Variants in MSL2 observed in about 807,000 individuals in gnomAD.
MSL2 encodes MSL complex subunit 2, also known as E3 ubiquitin-protein ligase MSL2.
MSL2 carries 2 observed loss-of-function variants against 35.8 expected under a neutral mutation model. The observed-to-expected ratio is 0.06, with a 90% CI of 0.02 to 0.18. MSL2 has a LOEUF of 0.18. Ranked by LOEUF, MSL2 falls within the 10% of genes least tolerant of loss-of-function variation. The pLI is 1.00. For synonymous variants in MSL2, 296 were observed against 255.7 expected (o/e 1.16, Z -1.50); for missense variants, 523 against 706.7 (o/e 0.74, Z 2.95).
At chr3:136,158,985 G>C (rs1235569323) in intron 1 of MSL2, among the ~76,000 whole-genome samples, 1 of 152,168 alleles carries the variant, frequency 6.6e-6, no homozygotes, top group East Asian at 1.9e-4. Context: ...TGGATTAGAA[G>C]ACTACCAATA....
chr3:136,174,013 C>A (rs1940100656), intron 1 of MSL2, among the ~76,000 whole-genome samples: 1 of 152,186 alleles, frequency 6.6e-6, no homozygotes, highest in African/African-American at 2.4e-5. Flanking sequence ...TCAAATATGA[C>A]CTCCAAGAGG....
intron 1 of MSL2, among the ~76,000 whole-genome samples, chr3:136,180,993 TAA>T (rs550242990): frequency 3.9e-5 from 5 of 126,958 alleles, no homozygotes; most frequent in African/African-American, 5.8e-5. Flanking sequence ...CTCTATTAAA[TAA>T]AAAAAAAAAA....
At chr3:136,179,548 T>G (rs1343025692) in intron 1 of MSL2, among the ~76,000 whole-genome samples, 2 of 152,206 alleles carry the variant, frequency 1.3e-5, no homozygotes, top group Non-Finnish European at 2.9e-5. Context: ...CTAAAAATAC[T>G]TTTAACTTTT....
At chr3:136,185,909 T>C (rs1379006377) in intron 1 of MSL2, among the ~76,000 whole-genome samples, 2 of 151,642 alleles carry the variant, frequency 1.3e-5, no homozygotes, top group African/African-American at 4.9e-5. Context: ...CTAAAATCAA[T>C]GGAGACAATT....
In MSL2 at chr3:136,190,430, C is replaced by T. The variant is rs550012986; in HGVS notation, c.142+4542G>A. 7.2e-5 allele frequency among the ~76,000 whole-genome samples: 11 copies of T among 152,042 alleles called. 1 individual carries two copies. The highest frequency in any genetic ancestry group is 6.6e-4 in the Admixed American group (10 of 15,262). ...AGCCAACCACGTGTGGTGGCGCACA[C>T]CTGTAGTGTTAGCTACTCTAGAGGC... On this transcript the variant is annotated intron_variant, in intron 1 of 1. Transcript: ENST00000309993.
intron 1 of MSL2, among the ~76,000 whole-genome samples, chr3:136,163,246 G>T (rs1263222694): frequency 6.6e-6 from 1 of 152,178 alleles, no homozygotes; most frequent in Admixed American, 6.6e-5. Flanking sequence ...GCAACAGAGC[G>T]AGACTCCGTC....
intron 1 of MSL2, among the ~76,000 whole-genome samples, chr3:136,182,475 A>T (rs1399488187): frequency 6.6e-6 from 1 of 152,238 alleles, no homozygotes; most frequent in East Asian, 1.9e-4. Flanking sequence ...TAAACCCTAC[A>T]ACCATCCTAG....
chr3:136,185,216 T>TC (rs1158256223), intron 1 of MSL2, among the ~76,000 whole-genome samples: 1 of 150,816 alleles, frequency 6.6e-6, no homozygotes, highest in East Asian at 2.0e-4. Context: ...CCTCAAAGGA[T>TC]CCGCCAGCCC....
At chr3:136,194,846 G>A (rs1044729228) in intron 1 of MSL2, 126 bp downstream of exon 1, 3 of 1,432,926 alleles carry the variant, frequency 2.1e-6, no homozygotes, top group South Asian at 2.5e-5. Flanking sequence ...ACTAATGACC[G>A]TACAGCGCTG....
At position 136,149,702 on chromosome 3, in the gene MSL2, C is replaced by T. The variant is rs1939291577; in HGVS notation, c.*1445G>A. ...ACAAAACAGAAGGAGGTGTCATCTGCTCTGTGTCCAAAGGTTTCTTCTCCA... is the reference window on the plus strand; with the variant it reads ...ACAAAACAGAAGGAGGTGTCATCTGTTCTGTGTCCAAAGGTTTCTTCTCCA... On this transcript the variant is annotated 3_prime_UTR_variant, in exon 2 of 2. Coordinates refer to ENST00000309993, the MANE Select transcript of MSL2 (RefSeq NM_018133.4). 6.6e-6 allele frequency: 1 copy of T among 152,100 alleles called. No homozygotes were observed. 9.4% of individuals were successfully genotyped at this position (152,100 alleles called of 1,614,324 possible).
intron 1 of MSL2, among the ~76,000 whole-genome samples, chr3:136,164,480 T>A (rs1939786118): frequency 6.6e-6 from 1 of 152,212 alleles, no homozygotes; most frequent in African/African-American, 2.4e-5. Flanking sequence ...TGCACTCAGA[T>A]AACCATCCTA....
At position 136,195,072 on chromosome 3, in the gene MSL2, G is replaced by A. The variant is rs1160162609; in HGVS notation, c.42C>T (p.Ser14=). The A allele has an allele frequency of 1.2e-6, 2 of 1,613,974 alleles. No individual in the cohort carries two copies. Among genetic ancestry groups the A allele is most frequent in the Non-Finnish European group, 1.7e-6 (2 of 1,179,972 alleles). The change falls in exon 1 of 2, where the codon AGC becomes AGT. Residue 14 remains serine, a synonymous_variant. Transcript: ENST00000309993. ...CGGGGTCGTAGTTGAGCACTAGGCG[G>A]CTCGCGGAAATGTAGAGAGCAGTAG... ...VNATALYISA[S]RLVLNYDPGD... is the part of the protein sequence containing the mutation.
chr3:136,187,906 G>A (rs961315942), intron 1 of MSL2, among the ~76,000 whole-genome samples: 1 of 151,928 alleles, frequency 6.6e-6, no homozygotes, highest in Non-Finnish European at 1.5e-5. Flanking sequence ...AAGCTTTTAG[G>A]TGATTTTGAT....
Position 136,151,783 on chromosome 3 carries a change from C to T in MSL2, c.1098G>A (p.Leu366=). Reference sequence around the variant, plus strand: ...TCACTGTCACAGGAGCAGATGCCCCCAGTGTTGGGCCTCGGATAATGGTAG... The same window carrying T: ...TCACTGTCACAGGAGCAGATGCCCCTAGTGTTGGGCCTCGGATAATGGTAG... The part of the protein sequence containing the change: ...PISTIIRGPT[L]GASAPVTVKR... Residue 366 remains leucine, a synonymous_variant, in exon 2 of 2, where the codon CTG becomes CTA. Transcript: ENST00000309993. The surrounding 1 kb of genome is among the most constrained non-coding windows in gnomAD (Gnocchi z 5.2). 2 of 1,614,180 alleles carry T rather than the reference C, an allele frequency of 1.2e-6. No homozygotes were observed. Among genetic ancestry groups the T allele is most frequent in the Non-Finnish European group, 1.7e-6 (2 of 1,180,036 alleles).
intron 1 of MSL2, among the ~76,000 whole-genome samples, chr3:136,170,116 C>T (rs997323085): frequency 9.4e-5 from 14 of 148,716 alleles, no homozygotes; most frequent in African/African-American, 3.5e-4. Context: ...CTGAGGCAGG[C>T]AGATCACCTG....
chr3:136,152,920 T>A, intron 1 of MSL2, 182 bp from the exon 2 acceptor site: 1 of 985,460 alleles, frequency 1.0e-6, no homozygotes, highest in Non-Finnish European at 1.2e-6. Flanking sequence ...CTTGATTTCA[T>A]GCCATATTCC....
At chr3:136,187,767 T>C (rs1167662416) in intron 1 of MSL2, among the ~76,000 whole-genome samples, 1 of 152,118 alleles carries the variant, frequency 6.6e-6, no homozygotes, top group African/African-American at 2.4e-5. Context: ...TTCAAATGCT[T>C]ATAACACTGA....
intron 1 of MSL2, among the ~76,000 whole-genome samples, chr3:136,159,009 G>A (rs1418763498): frequency 2.0e-5 from 3 of 152,226 alleles, no homozygotes; most frequent in Admixed American, 2.0e-4. Context: ...TGTCAAGATG[G>A]CAGTTTTCCC....
At chr3:136,182,212 A>T (rs1375213987) in intron 1 of MSL2, among the ~76,000 whole-genome samples, 1 of 152,204 alleles carries the variant, frequency 6.6e-6, no homozygotes, top group Non-Finnish European at 1.5e-5. Context: ...AATGTTGTTA[A>T]GGATAACAGA....
Sources: allele counts gnomAD v4.1 joint callset (sites outside exome capture counted in the v4.1 genomes callset), GRCh38; gene constraint gnomAD v4.1.1; non-coding constraint Gnocchi (gnomAD v3.1); transcripts MANE v1.5; gene names NCBI Gene and HGNC (gene_info 2026-07-23, HGNC 2026-07-21).